Variants in RSU1 observed in about 807,000 individuals in gnomAD.
RSU1 encodes the protein rsu-1.
Under a neutral mutation model 31.1 loss-of-function variants are expected in RSU1, and 26 were observed. The observed-to-expected ratio is 0.84, with a 90% confidence interval of 0.61 to 1.16. The LOEUF is 1.16. Among genes scored for constraint, RSU1 ranks in the 50% most tolerant of loss-of-function variants. RSU1 has a pLI of 0.00. For synonymous variants in RSU1, 164 were observed against 136.3 expected, an observed-to-expected ratio of 1.20 and a Z score of -1.41; for missense variants, 320 against 339.1, an observed-to-expected ratio of 0.94 and a Z score of 0.44.
chr10:16,655,764 T>A (rs1051617813), intron 8 of RSU1, among the ~76,000 whole-genome samples: 3 of 152,252 alleles, frequency 2.0e-5, no homozygotes, highest in Non-Finnish European at 4.4e-5. Flanking sequence ...CACGTCAGCA[T>A]CTTTAGCAGC....
chr10:16,629,315 C>T (rs1250720951), intron 8 of RSU1, among the ~76,000 whole-genome samples: 4 of 152,266 alleles, frequency 2.6e-5, no homozygotes, highest in South Asian at 2.1e-4. Flanking sequence ...GGCCCCTACC[C>T]TCCTTAACCT....
intron 7 of RSU1, among the ~76,000 whole-genome samples, chr10:16,732,088 C>T (rs1384602026): frequency 6.9e-6 from 1 of 145,528 alleles, no homozygotes; most frequent in African/African-American, 2.6e-5. Context: ...CAGTATTACC[C>T]AACTAGTCAC....
chr10:16,786,551 G>C (rs903819833), intron 2 of RSU1, among the ~76,000 whole-genome samples: 4 of 151,904 alleles, frequency 2.6e-5, no homozygotes, highest in Admixed American at 6.6e-5. Flanking sequence ...ACTTTGGGGT[G>C]GGGGGGAGTC....
chr10:16,735,826 C>T (rs1049320561), intron 7 of RSU1, among the ~76,000 whole-genome samples: 1 of 152,162 alleles, frequency 6.6e-6, no homozygotes, highest in Non-Finnish European at 1.5e-5. Context: ...TTGTCTCCCA[C>T]TGGGTCCCTC....
chr10:16,662,709 G>A (rs1481899945), intron 8 of RSU1, among the ~76,000 whole-genome samples: 1 of 152,090 alleles, frequency 6.6e-6, no homozygotes, highest in African/African-American at 2.4e-5. Context: ...TAAACGAAAG[G>A]AACTTCCAAA....
intron 8 of RSU1, among the ~76,000 whole-genome samples, chr10:16,654,214 G>T (rs1405041872): frequency 6.6e-6 from 1 of 151,522 alleles, no homozygotes; most frequent in African/African-American, 2.4e-5. Flanking sequence ...TGTTGGCTGG[G>T]CTGGTCTCGA....
At chr10:16,638,683 C>T (rs988955074) in intron 8 of RSU1, among the ~76,000 whole-genome samples, 6 of 152,144 alleles carry the variant, frequency 3.9e-5, no homozygotes, top group East Asian at 1.9e-4. Context: ...CCATGACACA[C>T]GTGTCATTAA....
At chr10:16,785,526 A>ACACATATATACATAT (rs1240281059) in intron 2 of RSU1, among the ~76,000 whole-genome samples, 2 of 141,826 alleles carry the variant, frequency 1.4e-5, no homozygotes, top group African/African-American at 5.7e-5. Context: ...ATATATATAT[A>ACACATATATACATAT]ATATTAGTTC....
chr10:16,814,881 G>C (rs549972125), intron 2 of RSU1, among the ~76,000 whole-genome samples: 3 of 152,192 alleles, frequency 2.0e-5, no homozygotes, highest in African/African-American at 7.2e-5. Context: ...AGATAACGGA[G>C]CTGAACCGAA....
intron 7 of RSU1, among the ~76,000 whole-genome samples, chr10:16,716,050 A>C (rs532215117): frequency 6.6e-6 from 1 of 152,354 alleles, no homozygotes; most frequent in African/African-American, 2.4e-5. Context: ...ACAAAATCTC[A>C]TGTAAGTATA....
At chr10:16,620,423 C>A (rs1304771096) in intron 8 of RSU1, among the ~76,000 whole-genome samples, 1 of 152,002 alleles carries the variant, frequency 6.6e-6, no homozygotes, top group Non-Finnish European at 1.5e-5. Flanking sequence ...TCTTTGGGAA[C>A]TGACATTCAG....
At chr10:16,796,855 AC>A (rs1397803637) in intron 2 of RSU1, among the ~76,000 whole-genome samples, 1 of 152,220 alleles carries the variant, frequency 6.6e-6, no homozygotes, top group Admixed American at 6.5e-5. Flanking sequence ...AAGTGTCCCC[AC>A]AAAAAACTCC....
At chr10:16,646,319 C>T (rs1834569893) in intron 8 of RSU1, among the ~76,000 whole-genome samples, 1 of 152,082 alleles carries the variant, frequency 6.6e-6, no homozygotes, top group Admixed American at 6.6e-5. Flanking sequence ...AACATCTTAA[C>T]TGTCAAGAAT....
At chr10:16,700,406 C>T (rs1004413907) in intron 7 of RSU1, among the ~76,000 whole-genome samples, 1 of 152,066 alleles carries the variant, frequency 6.6e-6, no homozygotes, top group Non-Finnish European at 1.5e-5. Flanking sequence ...CAAAACCAAG[C>T]AATTGATTTG....
At chr10:16,682,993 ACG>A in intron 8 of RSU1, among the ~76,000 whole-genome samples, 1 of 152,136 alleles carries the variant, frequency 6.6e-6, no homozygotes. Context: ...TTCATTCCTA[ACG>A]CATCTTCGAA....
intron 8 of RSU1, among the ~76,000 whole-genome samples, chr10:16,662,827 A>G (rs1224425628): frequency 2.6e-5 from 4 of 152,200 alleles, no homozygotes; most frequent in African/African-American, 9.7e-5. Context: ...TTAAAAGTAA[A>G]AGACAAAATA....
intron 8 of RSU1, among the ~76,000 whole-genome samples, chr10:16,642,291 A>G (rs928669145): frequency 1.1e-4 from 16 of 152,192 alleles, no homozygotes; most frequent in Non-Finnish European, 1.5e-4. Context: ...GCAAAACCAA[A>G]CAGGATAATC....
chr10:16,682,155 A>G (rs1027916275), intron 8 of RSU1, among the ~76,000 whole-genome samples: 1 of 152,212 alleles, frequency 6.6e-6, no homozygotes, highest in Non-Finnish European at 1.5e-5. Context: ...TGTGGTGACC[A>G]GAGTCCCAAG....
At chr10:16,727,171 A>C (rs1395777155) in intron 7 of RSU1, 3 of 456,384 alleles carry the variant, frequency 6.6e-6, no homozygotes, top group Non-Finnish European at 8.8e-6. Context: ...TAGTGACAGG[A>C]GTCATTGACT....
Sources: gnomAD v4.1 joint callset for allele counts (sites outside exome capture counted in the v4.1 genomes callset) on GRCh38, gnomAD v4.1.1 for gene constraint, MANE v1.5 for transcripts, NCBI Gene and HGNC (gene_info 2026-07-23, HGNC 2026-07-21) for gene names.